LRRTM4: variants seen among roughly 807,000 people sequenced by gnomAD.
LRRTM4 encodes leucine-rich repeat transmembrane neuronal protein 4.
LRRTM4 carries 25 observed loss-of-function variants against 47.6 expected under a neutral mutation model. That is an observed-to-expected ratio of 0.53 (90% confidence interval 0.38 to 0.73). The LOEUF is 0.73. Among genes scored for constraint, LRRTM4 ranks in the 30% least tolerant of loss-of-function variants. LRRTM4 has a pLI of 0.00. For synonymous variants in LRRTM4, 311 were observed against 269.5 expected, an observed-to-expected ratio of 1.15 and a Z score of -1.51; for missense variants, 638 against 713.4, an observed-to-expected ratio of 0.89 and a Z score of 1.20.
At chr2:76,931,184 A>T (rs1193923705) in intron 3 of LRRTM4, among the ~76,000 whole-genome samples, 1 of 152,208 alleles carries the variant, frequency 6.6e-6, no homozygotes, top group Non-Finnish European at 1.5e-5. Flanking sequence ...TATCAAGTCA[A>T]AATTAATGCT....
intron 3 of LRRTM4, among the ~76,000 whole-genome samples, chr2:77,028,677 C>G (rs1284771193): frequency 1.3e-5 from 2 of 151,724 alleles, no homozygotes; most frequent in East Asian, 1.9e-4. Flanking sequence ...GAAATAAACA[C>G]AATAAAAATA....
intron 3 of LRRTM4, among the ~76,000 whole-genome samples, chr2:77,286,285 G>T (rs1305187900): frequency 1.3e-5 from 2 of 151,794 alleles, no homozygotes; most frequent in Non-Finnish European, 2.9e-5. Flanking sequence ...TAAATAAAAT[G>T]AAAATATGCT....
chr2:77,438,383 G>A (rs1330808569), intron 3 of LRRTM4, among the ~76,000 whole-genome samples: 1 of 146,288 alleles, frequency 6.8e-6, no homozygotes, highest in African/African-American at 2.6e-5. Context: ...TTTCGCTCTC[G>A]ATCATGATAA....
chr2:77,452,774 C>A (rs375244274), intron 3 of LRRTM4, among the ~76,000 whole-genome samples: 3 of 152,204 alleles, frequency 2.0e-5, no homozygotes, highest in Non-Finnish European at 1.5e-5. Context: ...AGAATTTTGA[C>A]GATGGGTCAA....
chr2:76,882,486 G>T (rs1475185480), intron 3 of LRRTM4, among the ~76,000 whole-genome samples: 2 of 151,686 alleles, frequency 1.3e-5, no homozygotes, highest in Non-Finnish European at 2.9e-5. Context: ...GAGCTTAGGA[G>T]TTCGAGACCA....
intron 3 of LRRTM4, among the ~76,000 whole-genome samples, chr2:77,203,462 T>C (rs1674034839): frequency 2.0e-5 from 3 of 152,122 alleles, no homozygotes; most frequent in Admixed American, 1.3e-4. Flanking sequence ...TGTTTACTAC[T>C]GACTGCCTTA....
At chr2:76,838,902 C>G (rs61329390) in intron 3 of LRRTM4, among the ~76,000 whole-genome samples, 3,090 of 152,040 alleles carry the variant, frequency 0.02, 69 homozygotes, top group East Asian at 0.1. Flanking sequence ...TTTTTAGTCA[C>G]AAAATAAACC....
At chr2:77,306,770 G>GA (rs1677284457) in intron 3 of LRRTM4, among the ~76,000 whole-genome samples, 1 of 151,798 alleles carries the variant, frequency 6.6e-6, no homozygotes, top group Non-Finnish European at 1.5e-5. Context: ...GAAATAGAGG[G>GA]AAAAAAGTTA....
intron 3 of LRRTM4, among the ~76,000 whole-genome samples, chr2:76,846,871 T>A (rs1671850996): frequency 6.6e-6 from 1 of 151,578 alleles, no homozygotes; most frequent in African/African-American, 2.4e-5. Flanking sequence ...TGTGCATAAT[T>A]AATTTTAAAT....
intron 3 of LRRTM4, among the ~76,000 whole-genome samples, chr2:76,838,450 C>G (rs1671580167): frequency 6.6e-6 from 1 of 151,960 alleles, no homozygotes. Flanking sequence ...AATGCAGGCT[C>G]CAGCATACTA....
intron 3 of LRRTM4, among the ~76,000 whole-genome samples, chr2:77,138,930 T>C (rs1170627342): frequency 2.6e-5 from 4 of 152,244 alleles, no homozygotes; most frequent in East Asian, 3.9e-4. Flanking sequence ...CAGGAAGAAG[T>C]TGAATCCTTG....
At chr2:77,383,242 T>A (rs1439298252) in intron 3 of LRRTM4, among the ~76,000 whole-genome samples, 3 of 152,080 alleles carry the variant, frequency 2.0e-5, no homozygotes, top group Non-Finnish European at 4.4e-5. Flanking sequence ...CCTTTCAGAT[T>A]GGGTACCATG....
chr2:76,880,936 C>A (rs1353869095), intron 3 of LRRTM4, among the ~76,000 whole-genome samples: 1 of 152,002 alleles, frequency 6.6e-6, no homozygotes, highest in African/African-American at 2.4e-5. Context: ...ATACAAGAGT[C>A]TGGGAAGGGT....
chr2:77,089,501 C>T (rs944980553), intron 3 of LRRTM4, among the ~76,000 whole-genome samples: 1 of 151,862 alleles, frequency 6.6e-6, no homozygotes, highest in South Asian at 2.1e-4. Flanking sequence ...CGCCCCATCC[C>T]TTATTTCCAT....
intron 3 of LRRTM4, among the ~76,000 whole-genome samples, chr2:76,798,882 T>G (rs1675506034): frequency 6.6e-6 from 1 of 152,064 alleles, no homozygotes; most frequent in Non-Finnish European, 1.5e-5. Flanking sequence ...ACACATGCAC[T>G]CTCCCAAGAC....
At chr2:77,127,609 C>G (rs1671681317) in intron 3 of LRRTM4, among the ~76,000 whole-genome samples, 1 of 152,144 alleles carries the variant, frequency 6.6e-6, no homozygotes, top group South Asian at 2.1e-4. Context: ...TCTCTTCTCT[C>G]TCTCTCCCTC....
chr2:77,035,930 G>A (rs898376554), intron 3 of LRRTM4, among the ~76,000 whole-genome samples: 14 of 151,926 alleles, frequency 9.2e-5, no homozygotes, highest in African/African-American at 3.4e-4. Flanking sequence ...CAGCCTAATG[G>A]TTTTCAGATT....
intron 3 of LRRTM4, among the ~76,000 whole-genome samples, chr2:77,008,211 C>A (rs1677732168): frequency 6.6e-6 from 1 of 152,086 alleles, no homozygotes; most frequent in African/African-American, 2.4e-5. Context: ...CAATCTTTAC[C>A]TTTAAGTCCC....
intron 3 of LRRTM4, among the ~76,000 whole-genome samples, chr2:77,466,679 T>C (rs556702794): frequency 6.7e-5 from 10 of 149,870 alleles, no homozygotes; most frequent in Non-Finnish European, 1.3e-4. Context: ...GGTGCTATGA[T>C]AAAAAATTTC....
Sources: gnomAD v4.1 joint callset for allele counts (sites outside exome capture counted in the v4.1 genomes callset) on GRCh38, gnomAD v4.1.1 for gene constraint, MANE v1.5 for transcripts, NCBI Gene and HGNC (gene_info 2026-07-23, HGNC 2026-07-21) for gene names.